UTP20: variants seen among roughly 807,000 people sequenced by gnomAD.
The protein encoded by UTP20 is UTP20 small subunit processome component.
UTP20 carries 164 observed loss-of-function variants against 329.5 expected under a neutral mutation model. The ratio of observed to expected loss-of-function variants is 0.50; its 90% CI spans 0.44 to 0.57. The LOEUF (loss-of-function observed/expected upper bound fraction) is 0.57. Among genes scored for constraint, UTP20 ranks in the 20% least tolerant of loss-of-function variants. The pLI, the probability that UTP20 is intolerant of heterozygous loss-of-function variation, is 0.00. For missense variants in UTP20, 3,055 were observed against 3,284.2 expected, an observed-to-expected ratio of 0.93 and a Z score of 1.71; for synonymous variants, 1,151 against 1,159.3, an observed-to-expected ratio of 0.99 and a Z score of 0.14.
chr12:101,296,637 A>G (rs1471742076), intron 12 of UTP20, among the ~76,000 whole-genome samples: 2 of 151,550 alleles, frequency 1.3e-5, no homozygotes, highest in Non-Finnish European at 2.9e-5. Context: ...AGTCCTAGGT[A>G]CTGAGGAGGC....
chr12:101,376,349 CA>C (rs1356231797), intron 56 of UTP20, among the ~76,000 whole-genome samples: 2 of 152,252 alleles, frequency 1.3e-5, no homozygotes, highest in Non-Finnish European at 2.9e-5. Context: ...CATCACCTAA[CA>C]ATAGAGAAAC....
At chr12:101,378,891 C>G (rs969683856) in intron 56 of UTP20, among the ~76,000 whole-genome samples, 42 of 152,130 alleles carry the variant, frequency 2.8e-4, no homozygotes, top group African/African-American at 9.2e-4. Flanking sequence ...TCTCCCACCT[C>G]ACTTCTCTCT....
At chr12:101,309,029 G>A (rs909447515) in intron 18 of UTP20, among the ~76,000 whole-genome samples, 1 of 151,988 alleles carries the variant, frequency 6.6e-6, no homozygotes, top group African/African-American at 2.4e-5. Flanking sequence ...CACTGCGCCC[G>A]GCCCAGCCCT....
At chr12:101,321,186 AT>A (rs1246633064) in intron 24 of UTP20, among the ~76,000 whole-genome samples, 4 of 152,196 alleles carry the variant, frequency 2.6e-5, no homozygotes, top group African/African-American at 9.7e-5. Flanking sequence ...CTTCTTATTA[AT>A]ATAATGCCAT....
Position 101,386,190 on chromosome 12 carries a change from TTGTC to T in UTP20, c.*70_*73del. On this transcript the variant is annotated 3_prime_UTR_variant, in exon 62 of 62. Transcript: ENST00000261637. ...TCTGCTAGTCTGAAATTACAGTAGGTTGTCTGGGGTAGGGGGGAGGCGTTTTTTT... is the reference window on the plus strand; with the variant it reads ...TCTGCTAGTCTGAAATTACAGTAGGTTGGGGTAGGGGGGAGGCGTTTTTTT... 6.7e-7 allele frequency: 1 copy of T among 1,490,820 alleles called. No individual in the cohort carries two copies. Among genetic ancestry groups the T allele is most frequent in the Non-Finnish European group, 9.0e-7 (1 of 1,105,040 alleles). 92.3% of individuals were successfully genotyped at this position (1,490,820 alleles called of 1,614,324 possible). A position where few individuals can be genotyped will look rare whatever the true frequency, so the allele number is the denominator to read the frequency against.
At chr12:101,334,913 C>A (rs1868884195) in intron 29 of UTP20, among the ~76,000 whole-genome samples, 1 of 148,634 alleles carries the variant, frequency 6.7e-6, no homozygotes, top group Admixed American at 6.8e-5. Flanking sequence ...GTTGAGGCTA[C>A]AATGAGCCAT....
At chr12:101,363,553 C>G in intron 44 of UTP20, 23 bp from the exon 45 acceptor site, 3 of 1,604,310 alleles carry the variant, frequency 1.9e-6, no homozygotes, top group Non-Finnish European at 2.6e-6. Flanking sequence ...ATATAATTGC[C>G]ATTTGTCCTT....
In UTP20 at chr12:101,337,203, C is replaced by T. The variant is rs558459831; in HGVS notation, c.3642-848C>T. Among the ~76,000 whole-genome samples, 18 of 152,092 alleles carry T rather than the reference C, an allele frequency of 1.2e-4. No homozygotes were observed. In the East Asian group the frequency reaches 2.1e-3, roughly 18 times the overall value. On this transcript the variant is annotated intron_variant, in intron 29 of 61. Coordinates refer to ENST00000261637, the MANE Select transcript of UTP20 (RefSeq NM_014503.3). ...TATAGTGTCTTGTGTAGAGCCTACC[C>T]GTACCATGCACAGTATTTGCTGGAC...
In UTP20 at chr12:101,366,539, C is replaced by A; in HGVS notation, c.6126-19C>A. The A allele has an allele frequency of 6.2e-7, 1 of 1,605,624 alleles. No individual in the cohort carries two copies. The highest frequency in any genetic ancestry group is 8.5e-7 in the Non-Finnish European group (1 of 1,176,216). The stretch of plus-strand genomic sequence containing the variant: ...CTGACAGTGTTCTTTACCCTCTTCT[C>A]ATGCCACGTGATTGACAGAAATCCA... On this transcript the variant is annotated intron_variant, in intron 46 of 61. Transcript: ENST00000261637.
chr12:101,339,833 GTTAC>G (rs143019271), intron 31 of UTP20, among the ~76,000 whole-genome samples: 12 of 152,194 alleles, frequency 7.9e-5, no homozygotes, highest in African/African-American at 2.9e-4. Flanking sequence ...TATTTTTTCT[GTTAC>G]TTACAACAGT....
At chr12:101,368,069 C>T in intron 48 of UTP20, 93 bp downstream of exon 48, 4 of 883,486 alleles carry the variant, frequency 4.5e-6, no homozygotes, top group Admixed American at 2.2e-5. Flanking sequence ...TGGGCTCAAG[C>T]TTTATGAGAT....
intron 56 of UTP20, among the ~76,000 whole-genome samples, chr12:101,376,516 G>A (rs1438130915): frequency 1.3e-5 from 2 of 151,974 alleles, no homozygotes; most frequent in Non-Finnish European, 2.9e-5. Flanking sequence ...GAATACTGTA[G>A]GCATTCGTAA....
At position 101,293,229 on chromosome 12, in the gene UTP20, T is replaced by C. The variant is rs779469626; in HGVS notation, c.1235T>C (p.Met412Thr). 1.2e-6 allele frequency: 2 copies of C among 1,614,086 alleles called. No individual in the cohort carries two copies. The highest frequency in any genetic ancestry group is 3.3e-5 in the Admixed American group (2 of 60,030). ...AGTTTTTCTGAAGTCATGTTTGCCA[T>C]GAAGCAGTTTGAGCAGGTAAGCAAG... ...IFSFSEVMFA[M>T]KQFEQLFLPS... The change falls in exon 11 of 62, where the codon ATG (methionine) becomes ACG (threonine). Residue 412 changes from methionine (M) to threonine (T), a missense_variant. By Grantham distance (81) the Met-to-Thr change is moderately conservative. Coordinates refer to ENST00000261637, the MANE Select transcript of UTP20 (RefSeq NM_014503.3).
chr12:101,306,368 G>A (rs2137247777), intron 16 of UTP20, among the ~76,000 whole-genome samples: 1 of 151,900 alleles, frequency 6.6e-6, no homozygotes, highest in Middle Eastern at 3.4e-3. Flanking sequence ...GCTCATTTAG[G>A]TATGCGGAAA....
At chr12:101,294,704 G>A (rs1216254851) in intron 11 of UTP20, among the ~76,000 whole-genome samples, 1 of 151,838 alleles carries the variant, frequency 6.6e-6, no homozygotes, top group Non-Finnish European at 1.5e-5. Flanking sequence ...CCCCACGCCT[G>A]GCTAATTTTT....
intron 18 of UTP20, among the ~76,000 whole-genome samples, 155 bp from the exon 19 acceptor site, chr12:101,309,608 A>G (rs911546492): frequency 8.5e-5 from 13 of 152,232 alleles, no homozygotes; most frequent in Admixed American, 3.3e-4. Flanking sequence ...ATTAGTATAC[A>G]TTGAATTTTG....
At chr12:101,327,335 T>G (rs1868603848) in intron 26 of UTP20, 88 bp downstream of exon 26, 1 of 1,320,872 alleles carries the variant, frequency 7.6e-7, no homozygotes, top group African/African-American at 1.5e-5. Context: ...CTCCTGGGCG[T>G]CTTTCTAACA....
intron 29 of UTP20, among the ~76,000 whole-genome samples, chr12:101,336,619 T>C (rs1868942105): frequency 6.6e-6 from 1 of 152,220 alleles, no homozygotes; most frequent in African/African-American, 2.4e-5. Context: ...CAGTCTCTTC[T>C]TCCTGCATGC....
intron 27 of UTP20, among the ~76,000 whole-genome samples, chr12:101,332,825 A>G (rs1868804075): frequency 6.9e-6 from 1 of 144,258 alleles, no homozygotes; most frequent in South Asian, 2.3e-4. Flanking sequence ...TTCTAGTCTT[A>G]AAAAAGTAAA....
Sources: gnomAD v4.1 joint callset for allele counts (sites outside exome capture counted in the v4.1 genomes callset) on GRCh38, gnomAD v4.1.1 for gene constraint, MANE v1.5 for transcripts, NCBI Gene and HGNC (gene_info 2026-07-23, HGNC 2026-07-21) for gene names.